Variants in SPHKAP observed in about 807,000 individuals in gnomAD.
SPHKAP encodes the protein SPHK1 interactor, AKAP domain containing.
SPHKAP carries 67 observed loss-of-function variants against 137.5 expected under a neutral mutation model. That is an observed-to-expected ratio of 0.49 (90% CI 0.40 to 0.60). The LOEUF is 0.60. Ranked by LOEUF, SPHKAP falls within the 20% of genes least tolerant of loss-of-function variation. The pLI, the probability that SPHKAP is intolerant of heterozygous loss-of-function variation, is 0.00. For synonymous variants in SPHKAP, 813 were observed against 785.3 expected, an observed-to-expected ratio of 1.04 and a Z score of -0.59; for missense variants, 2,097 against 2,069.3, an observed-to-expected ratio of 1.01 and a Z score of -0.26.
At chr2:228,055,078 G>T (rs1441599547) in intron 3 of SPHKAP, among the ~76,000 whole-genome samples, 1 of 147,582 alleles carries the variant, frequency 6.8e-6, no homozygotes, top group African/African-American at 2.5e-5. Context: ...GGAGGCAGAG[G>T]TTGCAGTGAG....
At chr2:228,149,356 A>T (rs1341221364) in intron 1 of SPHKAP, among the ~76,000 whole-genome samples, 3 of 152,234 alleles carry the variant, frequency 2.0e-5, no homozygotes, top group Non-Finnish European at 4.4e-5. Context: ...AATCAATGAT[A>T]TCAATGTATA....
intron 3 of SPHKAP, among the ~76,000 whole-genome samples, chr2:228,042,533 G>A (rs2106260388): frequency 6.6e-6 from 1 of 151,990 alleles, no homozygotes; most frequent in South Asian, 2.1e-4. Context: ...CCAGCCCTAG[G>A]CAACTATTAA....
chr2:228,108,754 C>A, intron 3 of SPHKAP, 78 bp downstream of exon 3: 1 of 940,514 alleles, frequency 1.1e-6, no homozygotes, highest in Non-Finnish European at 1.6e-6. Flanking sequence ...AATTATGAAA[C>A]TTTTGGTCCT....
intron 3 of SPHKAP, among the ~76,000 whole-genome samples, chr2:228,094,449 A>G (rs1278825171): frequency 1.3e-5 from 2 of 152,222 alleles, no homozygotes; most frequent in African/African-American, 2.4e-5. Context: ...GTTTGGCAGA[A>G]TAGAAAAACA....
chr2:228,100,483 C>T (rs1470450679), intron 3 of SPHKAP, among the ~76,000 whole-genome samples: 1 of 152,086 alleles, frequency 6.6e-6, no homozygotes, highest in African/African-American at 2.4e-5. Context: ...GTGGGTTTGT[C>T]AGAGATGGCT....
chr2:228,100,477 G>T (rs1698153837), intron 3 of SPHKAP, among the ~76,000 whole-genome samples: 1 of 152,116 alleles, frequency 6.6e-6, no homozygotes, highest in African/African-American at 2.4e-5. Context: ...TTGACTGTGG[G>T]TTTGTCAGAG....
At chr2:227,982,152 A>G (rs112017059) in intron 11 of SPHKAP, 7 of 981,490 alleles carry the variant, frequency 7.1e-6, no homozygotes, top group Non-Finnish European at 7.2e-6. Context: ...AGTCTTTTAG[A>G]TATTTAGTGT....
chr2:228,007,703 A>G (rs1402447868), intron 7 of SPHKAP, among the ~76,000 whole-genome samples: 2 of 152,196 alleles, frequency 1.3e-5, no homozygotes, highest in African/African-American at 4.8e-5. Flanking sequence ...GCAATGGCAT[A>G]AAAACAGACA....
rs550874591 is a variant in SPHKAP at position 227,996,704 on chromosome 2, C to T, written c.4449-1010G>A. Among the ~76,000 whole-genome samples the T allele has an allele frequency of 7.2e-5, 11 of 152,268 alleles. No homozygotes were observed. In the South Asian group the frequency reaches 1.0e-3, roughly 14 times the overall value. The stretch of plus-strand genomic sequence containing the variant: ...ATTGCCTTCCCACCCTCTTCCTGGG[C>T]TTCTTATTTCCATTGACTTTTCTGT... On this transcript the variant is annotated intron_variant, in intron 7 of 11. Transcript: ENST00000392056.
At chr2:227,994,879 T>C (rs1430136681) in intron 8 of SPHKAP, among the ~76,000 whole-genome samples, 2 of 152,214 alleles carry the variant, frequency 1.3e-5, no homozygotes, top group African/African-American at 2.4e-5. Context: ...CATTTTCCAT[T>C]TGGCCTCTGT....
rs1356169686 is a variant in SPHKAP, at chr2:228,017,861, G to T, written c.2993C>A (p.Pro998His). The T allele has an allele frequency of 6.2e-7, 1 of 1,613,982 alleles. No individual in the cohort carries two copies. The highest frequency in any genetic ancestry group is 1.7e-5 in the Admixed American group (1 of 59,994). ...SGTAVRKHKP[P>H]RLSEIKRKTD... ...CTTCCTCTTGATCTCACTGAGCCGGGGAGGCTTGTGTTTCCTCACAGCGGT... is the reference window on the plus strand; with the variant it reads ...CTTCCTCTTGATCTCACTGAGCCGGTGAGGCTTGTGTTTCCTCACAGCGGT... The change falls in exon 7 of 12, where the codon CCC (proline) becomes CAC (histidine). Residue 998 changes from proline to histidine, a missense_variant. Physicochemically the swap from Pro to His is moderately conservative, Grantham distance 77 (BLOSUM62 -2). Transcript: ENST00000392056.
chr2:228,020,381 G>A (rs1359920337), intron 6 of SPHKAP: 1 of 191,940 alleles, frequency 5.2e-6, no homozygotes, highest in Non-Finnish European at 9.6e-6. Flanking sequence ...GGAATACTAT[G>A]CAGCCATAAA....
intron 1 of SPHKAP, among the ~76,000 whole-genome samples, chr2:228,164,740 C>G (rs189454189): frequency 3.3e-5 from 5 of 152,318 alleles, no homozygotes; most frequent in Non-Finnish European, 4.4e-5. Flanking sequence ...AGGCACACAC[C>G]TAGAGCTCTT....
intron 3 of SPHKAP, among the ~76,000 whole-genome samples, chr2:228,105,819 C>T (rs748207092): frequency 2.6e-5 from 4 of 152,126 alleles, no homozygotes; most frequent in Non-Finnish European, 4.4e-5. Flanking sequence ...GATTGTGAGG[C>T]CTCCCCAGCC....
At chr2:228,092,406 C>CACATATAT (rs1267355443) in intron 3 of SPHKAP, among the ~76,000 whole-genome samples, 2 of 66,474 alleles carry the variant, frequency 3.0e-5, no homozygotes, top group African/African-American at 1.2e-4. Context: ...TACACATATA[C>CACATATAT]ACATATATAC....
At chr2:228,031,850 A>G (rs1695338797) in intron 3 of SPHKAP, among the ~76,000 whole-genome samples, 1 of 152,200 alleles carries the variant, frequency 6.6e-6, no homozygotes, top group African/African-American at 2.4e-5. Flanking sequence ...AAACTAACGA[A>G]CAGAAAGGAC....
intron 1 of SPHKAP, among the ~76,000 whole-genome samples, chr2:228,179,458 G>T (rs895315595): frequency 6.6e-6 from 1 of 152,152 alleles, no homozygotes; most frequent in African/African-American, 2.4e-5. Context: ...TTATAGAAAA[G>T]GAATGGTGTT....
intron 1 of SPHKAP, chr2:228,169,666 C>T (rs1255510143): frequency 6.6e-6 from 1 of 152,076 alleles, no homozygotes; most frequent in Non-Finnish European, 1.5e-5. Flanking sequence ...TGCCTGCTTA[C>T]ATAACATCCA....
Position 228,096,573 on chromosome 2 carries a change from T to C in SPHKAP, c.246+12259A>G, listed in dbSNP as rs78239699. ...TATTTTCTATCTGAGTTTGGTTGAA[T>C]GAAATCCACTTGTAAGTGGATCTGT... On this transcript the variant is annotated intron_variant, in intron 3 of 11. Coordinates refer to ENST00000392056, the MANE Select transcript of SPHKAP (RefSeq NM_001142644.2). 6.0e-3 allele frequency among the ~76,000 whole-genome samples: 915 copies of C among 152,108 alleles called. 14 individuals carry two copies. Among genetic ancestry groups the C allele is most frequent in the African/African-American group, 0.021 (858 of 41,490 alleles).
Sources: gnomAD v4.1 joint callset for allele counts (sites outside exome capture counted in the v4.1 genomes callset) on GRCh38, gnomAD v4.1.1 for gene constraint, MANE v1.5 for transcripts, NCBI Gene and HGNC (gene_info 2026-07-23, HGNC 2026-07-21) for gene names.